The following SORCS2 variants were observed in gnomAD, a reference collection of about 807,000 sequenced individuals.
SORCS2 encodes sortilin related VPS10 domain containing receptor 2, also known as VPS10 domain-containing receptor SorCS2.
SORCS2 carries 100 observed loss-of-function variants against 141.6 expected under a neutral mutation model. The observed-to-expected ratio is 0.71, with a 90% CI of 0.60 to 0.83. The LOEUF is 0.83. Ranked by LOEUF, SORCS2 falls within the 40% of genes least tolerant of loss-of-function variation. The pLI, the probability that SORCS2 is intolerant of heterozygous loss-of-function variation, is 0.00. For synonymous variants in SORCS2, 789 were observed against 676.9 expected, an observed-to-expected ratio of 1.17 and a Z score of -2.57; for missense variants, 1,646 against 1,560.2, an observed-to-expected ratio of 1.05 and a Z score of -0.93.
chr4:7,669,033 C>T (rs183522826), intron 8 of SORCS2, among the ~76,000 whole-genome samples: 3 of 152,316 alleles, frequency 2.0e-5, no homozygotes, highest in Admixed American at 1.3e-4. Context: ...GCTCCCTGGG[C>T]GTCTGCTCCC....
chr4:7,378,381 G>A (rs547031751), intron 1 of SORCS2, among the ~76,000 whole-genome samples: 1 of 149,842 alleles, frequency 6.7e-6, no homozygotes, highest in East Asian at 2.5e-4. Flanking sequence ...AAAGAAAAGA[G>A]GGATGATACA....
intron 3 of SORCS2, among the ~76,000 whole-genome samples, chr4:7,558,939 C>T (rs1714331894): frequency 6.6e-6 from 1 of 152,232 alleles, no homozygotes; most frequent in Non-Finnish European, 1.5e-5. Flanking sequence ...CTCCTGTGCC[C>T]TGCCCTGTCT....
intron 11 of SORCS2, among the ~76,000 whole-genome samples, chr4:7,695,600 G>GTGGA (rs1560490208): frequency 1.6e-3 from 9 of 5,706 alleles, no homozygotes; most frequent in South Asian, 0.013. Context: ...GGGTGGGTGG[G>GTGGA]TGGATGGATG....
At chr4:7,350,594 C>G (rs1720882534) in intron 1 of SORCS2, among the ~76,000 whole-genome samples, 1 of 152,186 alleles carries the variant, frequency 6.6e-6, no homozygotes, top group South Asian at 2.1e-4. Context: ...GCAGGCATGA[C>G]CCTGAAGGCC....
chr4:7,263,467 C>T (rs148213983), intron 1 of SORCS2, among the ~76,000 whole-genome samples: 92 of 152,200 alleles, frequency 6.0e-4, no homozygotes, highest in African/African-American at 2.0e-3. Context: ...TGTTCATCAT[C>T]GTCTGCCTCA....
intron 1 of SORCS2, among the ~76,000 whole-genome samples, chr4:7,361,653 C>A (rs1001326722): frequency 2.6e-5 from 4 of 152,036 alleles, no homozygotes; most frequent in Non-Finnish European, 4.4e-5. Context: ...AACAGTCCAG[C>A]AGGAGACACG....
chr4:7,506,069 T>G (rs1376731869), intron 2 of SORCS2, among the ~76,000 whole-genome samples: 1 of 152,088 alleles, frequency 6.6e-6, no homozygotes, highest in African/African-American at 2.4e-5. Context: ...GGCACTAATC[T>G]GGGGTGGGGA....
chr4:7,665,444 T>A (rs1722446135), intron 7 of SORCS2, among the ~76,000 whole-genome samples: 1 of 152,200 alleles, frequency 6.6e-6, no homozygotes, highest in South Asian at 2.1e-4. Flanking sequence ...AGTCCATGCA[T>A]TTGCTCGTAC....
At chr4:7,560,813 C>T (rs748289779) in intron 3 of SORCS2, among the ~76,000 whole-genome samples, 4 of 152,122 alleles carry the variant, frequency 2.6e-5, no homozygotes, top group Non-Finnish European at 5.9e-5. Context: ...GTAATGAGGT[C>T]TCCATTAGCA....
intron 1 of SORCS2, among the ~76,000 whole-genome samples, chr4:7,327,724 C>T (rs113912562): frequency 0.015 from 2,241 of 152,292 alleles, 48 homozygotes; most frequent in African/African-American, 0.051. Context: ...TGGTGTCCTT[C>T]GAGGCCCAGC....
intron 1 of SORCS2, among the ~76,000 whole-genome samples, chr4:7,290,732 G>A (rs1171906188): frequency 6.6e-6 from 1 of 152,322 alleles, no homozygotes; most frequent in East Asian, 1.9e-4. Flanking sequence ...GTGTTTTGGG[G>A]AATGTAGGGC....
chr4:7,440,304 G>C (rs367968148), intron 2 of SORCS2, among the ~76,000 whole-genome samples: 1 of 152,180 alleles, frequency 6.6e-6, no homozygotes, highest in Non-Finnish European at 1.5e-5. Flanking sequence ...TAATTGTTCT[G>C]GGGGGACAGA....
chr4:7,543,766 ATCCGT>A lies in SORCS2; in HGVS notation c.648+12138_648+12142del, dbSNP rs1560373204. Among the ~76,000 whole-genome samples, 9 of 96,920 alleles carry A rather than the reference ATCCGT, an allele frequency of 9.3e-5. No homozygotes were observed. In the East Asian group the frequency reaches 2.7e-3, roughly 29 times the overall value. The allele number at this position is 96,920 out of a possible 152,430, so 63.6% of individuals were successfully genotyped here. On this transcript the variant is annotated intron_variant, in intron 3 of 26. Transcript: ENST00000507866. ...CACCCATCCACCCATCCACCCACCCATCCGTCCATCCATCCACTCATCCATCCATC... is the reference window on the plus strand; with the variant it reads ...CACCCATCCACCCATCCACCCACCCACCATCCATCCACTCATCCATCCATC...
chr4:7,219,169 G>GCT (rs1424265108), intron 1 of SORCS2, among the ~76,000 whole-genome samples: 1 of 86,682 alleles, frequency 1.2e-5, no homozygotes, highest in Non-Finnish European at 2.2e-5. Context: ...TTTTGTCTAT[G>GCT]CTGTGTGTGT....
intron 8 of SORCS2, among the ~76,000 whole-genome samples, chr4:7,670,247 T>A (rs1395285587): frequency 6.6e-6 from 1 of 152,246 alleles, no homozygotes; most frequent in African/African-American, 2.4e-5. Context: ...TTTACCTGTC[T>A]GTGAAAACTA....
At chr4:7,542,474 G>A (rs898326075) in intron 3 of SORCS2, among the ~76,000 whole-genome samples, 3 of 152,208 alleles carry the variant, frequency 2.0e-5, no homozygotes, top group Non-Finnish European at 4.4e-5. Context: ...GAAGAGGAGA[G>A]GGCCAGGATG....
chr4:7,224,068 G>C (rs79972597), intron 1 of SORCS2, among the ~76,000 whole-genome samples: 1,627 of 152,338 alleles, frequency 0.011, 33 homozygotes, highest in African/African-American at 0.036. Context: ...CAGGGCTGGT[G>C]GGGGAAGGCT....
intron 2 of SORCS2, among the ~76,000 whole-genome samples, chr4:7,456,315 A>G (rs1728908850): frequency 6.6e-6 from 1 of 152,320 alleles, no homozygotes; most frequent in South Asian, 2.1e-4. Context: ...GAATGAATGA[A>G]TGAATGAATG....
chr4:7,479,354 C>G (rs1577632188), intron 2 of SORCS2, among the ~76,000 whole-genome samples: 1 of 152,146 alleles, frequency 6.6e-6, no homozygotes, highest in South Asian at 2.1e-4. Flanking sequence ...GCCTCCAGCC[C>G]TCCCTCCAGA....
Sources: gnomAD v4.1 joint callset for allele counts (sites outside exome capture counted in the v4.1 genomes callset) on GRCh38, gnomAD v4.1.1 for gene constraint, MANE v1.5 for transcripts, NCBI Gene and HGNC (gene_info 2026-07-23, HGNC 2026-07-21) for gene names.